Variants in TNFSF8 observed in about 807,000 individuals in gnomAD.
The protein encoded by TNFSF8 is TNF superfamily member 8, also known as tumor necrosis factor ligand superfamily member 8.
A neutral mutation model predicts 22.0 loss-of-function variants in TNFSF8; 4 were observed. That is an observed-to-expected ratio of 0.18 (90% CI 0.09 to 0.42). TNFSF8 has a LOEUF of 0.42. TNFSF8 is among the 10% of genes least tolerant of loss of function. TNFSF8 has a pLI of 1.00. For missense variants in TNFSF8, 233 were observed against 281.8 expected (o/e 0.83, Z 1.24); for synonymous variants, 106 against 112.5 (o/e 0.94, Z 0.37).
At chr9:114,893,970 C>T in exon 5 of TNFSF8, 8 of 867,120 alleles carry the variant, frequency 9.2e-6, no homozygotes, top group East Asian at 5.4e-5. Flanking sequence ...CTGGCTATGT[C>T]GGTTTAGGCC....
At chr9:114,922,830 G>C (rs1004584979) in intron 1 of TNFSF8, among the ~76,000 whole-genome samples, 1 of 152,138 alleles carries the variant, frequency 6.6e-6, no homozygotes, top group African/African-American at 2.4e-5. Context: ...GACCAGCATC[G>C]GGGGATTTTG....
At chr9:114,910,866 A>C (rs6478118) in intron 2 of TNFSF8, among the ~76,000 whole-genome samples, 31,795 of 152,150 alleles carry the variant, frequency 0.21, 7,135 homozygotes, top group African/African-American at 0.56. Flanking sequence ...ATGCATCGCA[A>C]AAAGAGCACC....
intron 3 of TNFSF8, among the ~76,000 whole-genome samples, chr9:114,905,612 T>A (rs945230389): frequency 2.0e-5 from 3 of 152,142 alleles, no homozygotes; most frequent in African/African-American, 7.2e-5. Context: ...TGAATGGGAC[T>A]GAGGAAAGAG....
At chr9:114,914,184 C>T (rs1827887834) in intron 2 of TNFSF8, among the ~76,000 whole-genome samples, 1 of 152,048 alleles carries the variant, frequency 6.6e-6, no homozygotes. Context: ...AGGGCTGAAC[C>T]CCAGGGAGGA....
intron 1 of TNFSF8, among the ~76,000 whole-genome samples, chr9:114,929,270 G>A (rs1828105010): frequency 6.6e-6 from 1 of 151,874 alleles, no homozygotes; most frequent in African/African-American, 2.4e-5. Context: ...TGTACAGTGT[G>A]TACCCAACGA....
chr9:114,916,392 G>A (rs1309466444), intron 2 of TNFSF8, among the ~76,000 whole-genome samples: 1 of 152,128 alleles, frequency 6.6e-6, no homozygotes, highest in African/African-American at 2.4e-5. Context: ...TGCTCTTTAG[G>A]CGAGGAAACT....
intron 2 of TNFSF8, among the ~76,000 whole-genome samples, chr9:114,916,927 G>A (rs1189589306): frequency 6.6e-6 from 1 of 152,184 alleles, no homozygotes; most frequent in Non-Finnish European, 1.5e-5. Context: ...CATAGACATG[G>A]TAGGAACTGA....
chr9:114,913,983 T>A (rs1827884182), intron 2 of TNFSF8, among the ~76,000 whole-genome samples: 1 of 152,078 alleles, frequency 6.6e-6, no homozygotes, highest in African/African-American at 2.4e-5. Context: ...TTTGGTGGGG[T>A]GATTTGTTAT....
At chr9:114,923,993 A>G (rs1828025532) in intron 1 of TNFSF8, among the ~76,000 whole-genome samples, 1 of 152,222 alleles carries the variant, frequency 6.6e-6, no homozygotes, top group Non-Finnish European at 1.5e-5. Flanking sequence ...CTTACTAAAA[A>G]TGTTTCATCT....
At chr9:114,923,515 T>TTTCTTTCTTTCTTTCC (rs1564372336) in intron 1 of TNFSF8, among the ~76,000 whole-genome samples, 1 of 90,230 alleles carries the variant, frequency 1.1e-5, no homozygotes, top group East Asian at 3.2e-4. Context: ...TCTTTCTTTC[T>TTTCTTTCTTTCTTTCC]TTCTTTCTTT....
At chr9:114,896,484 G>A (rs888016685), downstream of TNFSF8, among the ~76,000 whole-genome samples, 2 of 152,184 alleles carry the variant, frequency 1.3e-5, no homozygotes, top group Non-Finnish European at 2.9e-5. Context: ...AAAATATCTA[G>A]AAGAGAGGAT....
intron 2 of TNFSF8, 44 bp downstream of exon 2, chr9:114,918,052 C>G (rs762817282): frequency 3.2e-6 from 5 of 1,553,902 alleles, no homozygotes; most frequent in Non-Finnish European, 4.4e-6. Flanking sequence ...TGGCATTTAT[C>G]TAGATGACTT....
chr9:114,908,363 G>C (rs984734473), intron 2 of TNFSF8, among the ~76,000 whole-genome samples: 3 of 152,228 alleles, frequency 2.0e-5, no homozygotes, highest in African/African-American at 7.2e-5. Context: ...GAATAACACA[G>C]GGCCTCATTC....
At chr9:114,893,968 G>A in exon 5 of TNFSF8, 1 of 855,660 alleles carries the variant, frequency 1.2e-6, no homozygotes. Flanking sequence ...TCCTGGCTAT[G>A]TCGGTTTAGG....
chr9:114,913,216 C>T (rs935207290), intron 2 of TNFSF8, among the ~76,000 whole-genome samples: 1 of 152,168 alleles, frequency 6.6e-6, no homozygotes, highest in Non-Finnish European at 1.5e-5. Context: ...AGGACCCACA[C>T]GAGGTCTATC....
chr9:114,919,043 T>C (rs1490601081), intron 1 of TNFSF8, among the ~76,000 whole-genome samples: 1 of 151,580 alleles, frequency 6.6e-6, no homozygotes, highest in African/African-American at 2.4e-5. Context: ...CCATGTTTGA[T>C]TCATCTGTGA....
chr9:114,915,681 TC>T (rs2131346161), intron 2 of TNFSF8, among the ~76,000 whole-genome samples: 1 of 152,286 alleles, frequency 6.6e-6, no homozygotes, highest in African/African-American at 2.4e-5. Context: ...GGAAGACTAT[TC>T]CCCATGTTGC....
intron 1 of TNFSF8, among the ~76,000 whole-genome samples, chr9:114,929,252 T>C (rs1828104624): frequency 6.6e-6 from 1 of 152,160 alleles, no homozygotes; most frequent in South Asian, 2.1e-4. Flanking sequence ...CCGAAGACAG[T>C]CTGACCCTGT....
chr9:114,898,417 C>T (rs974940095), downstream of TNFSF8, among the ~76,000 whole-genome samples: 8 of 152,086 alleles, frequency 5.3e-5, no homozygotes, highest in African/African-American at 9.7e-5. Flanking sequence ...CAAGAACAAT[C>T]GGGAGATGCT....
Sources: allele counts gnomAD v4.1 joint callset (sites outside exome capture counted in the v4.1 genomes callset), GRCh38; gene constraint gnomAD v4.1.1; transcripts MANE v1.5; gene names NCBI Gene and HGNC (gene_info 2026-07-23, HGNC 2026-07-21).